Variants in MBD5 observed in about 807,000 individuals in gnomAD.
MBD5 encodes methyl-CpG-binding domain protein 5.
MBD5 carries 13 observed loss-of-function variants against 117.3 expected under a neutral mutation model. The observed-to-expected ratio is 0.11, with a 90% CI of 0.07 to 0.18. The LOEUF is 0.18. Ranked by LOEUF, MBD5 falls within the 10% of genes least tolerant of loss-of-function variation. The pLI is 1.00. For missense variants in MBD5, 1,879 were observed against 2,093.8 expected (o/e 0.90, Z 2.00); for synonymous variants, 727 against 766.4 (o/e 0.95, Z 0.85).
At chr2:148,369,016 C>A (rs954670740) in intron 4 of MBD5, among the ~76,000 whole-genome samples, 1 of 152,080 alleles carries the variant, frequency 6.6e-6, no homozygotes, top group Non-Finnish European at 1.5e-5. Flanking sequence ...TCCTGTGTCT[C>A]CTGATATGAT....
At chr2:148,152,389 G>A (rs1001888146) in intron 1 of MBD5, among the ~76,000 whole-genome samples, 2 of 152,150 alleles carry the variant, frequency 1.3e-5, no homozygotes, top group Non-Finnish European at 2.9e-5. Flanking sequence ...TAGGTGTGGT[G>A]CGGTGCTGAA....
chr2:148,337,624 A>AT (rs1050949973), intron 3 of MBD5, among the ~76,000 whole-genome samples: 76 of 152,126 alleles, frequency 5.0e-4, no homozygotes, highest in African/African-American at 1.7e-3. Context: ...ACTGAGAGAG[A>AT]TTTTTTACTC....
At chr2:148,226,998 A>G (rs1385642769) in intron 2 of MBD5, among the ~76,000 whole-genome samples, 1 of 152,158 alleles carries the variant, frequency 6.6e-6, no homozygotes, top group African/African-American at 2.4e-5. Flanking sequence ...AGTTAATTGT[A>G]GATTCTGGAT....
intron 1 of MBD5, among the ~76,000 whole-genome samples, chr2:148,072,963 C>CA (rs1172754673): frequency 6.6e-6 from 1 of 151,954 alleles, no homozygotes; most frequent in Non-Finnish European, 1.5e-5. Flanking sequence ...AGCTTTTTAA[C>CA]AAAAAATGAT....
At chr2:148,462,742 T>C (rs572145664) in intron 6 of MBD5, 58 bp downstream of exon 6, 24 of 1,158,840 alleles carry the variant, frequency 2.1e-5, no homozygotes, top group South Asian at 1.6e-4. Flanking sequence ...TTTTGTATAT[T>C]TGTTTTTCTC....
In MBD5 at chr2:148,021,508, C is replaced by A; in HGVS notation, c.-1101C>A. On this transcript the variant is annotated 5_prime_UTR_variant, in exon 1 of 14. It adds an upstream start codon to the 5' untranslated region. Coordinates refer to ENST00000642680, the MANE Select transcript of MBD5 (RefSeq NM_001378120.1). ...GCTGCTGCTGCTGCTACTGCTGCTG[C>A]TGCTACTGCTGCTGCTTGGCCCTGG... 1 of 577,104 alleles carries A rather than the reference C, an allele frequency of 1.7e-6. No homozygotes were observed. 35.7% of individuals were successfully genotyped at this position (577,104 alleles called of 1,614,324 possible).
At chr2:148,443,285 T>C (rs1236643876) in intron 4 of MBD5, among the ~76,000 whole-genome samples, 1 of 151,324 alleles carries the variant, frequency 6.6e-6, no homozygotes, top group South Asian at 2.1e-4. Flanking sequence ...CTTTGTACAC[T>C]GTTGTACACT....
chr2:148,044,906 C>G (rs958540013), intron 1 of MBD5: 6 of 152,062 alleles, frequency 3.9e-5, no homozygotes, highest in Non-Finnish European at 8.8e-5. Flanking sequence ...CCTGCTGCCT[C>G]TTATTTTCCT....
chr2:148,120,619 T>C (rs559160867), intron 1 of MBD5, among the ~76,000 whole-genome samples: 17 of 152,220 alleles, frequency 1.1e-4, no homozygotes, highest in Non-Finnish European at 2.5e-4. Context: ...GTTAACTTTG[T>C]ATATTGGTCT....
chr2:148,265,507 T>C (rs867130416), intron 3 of MBD5, among the ~76,000 whole-genome samples: 2 of 151,412 alleles, frequency 1.3e-5, no homozygotes, highest in African/African-American at 4.8e-5. Flanking sequence ...AGTTAGATTA[T>C]TTACAGTTTT....
chr2:148,266,159 T>C (rs532496603), intron 3 of MBD5, among the ~76,000 whole-genome samples: 2 of 152,250 alleles, frequency 1.3e-5, no homozygotes, highest in East Asian at 3.9e-4. Context: ...TATTGATAAA[T>C]CAAAGTGAGT....
intron 8 of MBD5, among the ~76,000 whole-genome samples, chr2:148,477,563 G>A (rs947631881): frequency 6.6e-6 from 1 of 151,362 alleles, no homozygotes; most frequent in African/African-American, 2.5e-5. Flanking sequence ...GAAAGATCTA[G>A]TATTCTCATA....
At chr2:148,415,500 A>G (rs569450138) in intron 4 of MBD5, among the ~76,000 whole-genome samples, 1 of 152,156 alleles carries the variant, frequency 6.6e-6, no homozygotes, top group Admixed American at 6.5e-5. Context: ...CTGAATTTGA[A>G]TGTTGGCCTC....
In MBD5 at chr2:148,201,125, A is replaced by T. The variant is rs543680304; in HGVS notation, c.-831+22332A>T. Among the ~76,000 whole-genome samples the T allele has an allele frequency of 3.8e-3, 576 of 152,288 alleles. 3 individuals carry two copies. Among genetic ancestry groups the T allele is most frequent in the African/African-American group, 0.013 (554 of 41,562 alleles). ...GCTTGCCACAGGAGATGCCCTGTTT[A>T]CTTGACACACCAGGCCATGCCTGGC... is the stretch of plus-strand genomic sequence containing the variant. On this transcript the variant is annotated intron_variant, in intron 2 of 13. Coordinates refer to ENST00000642680, the MANE Select transcript of MBD5 (RefSeq NM_001378120.1).
chr2:148,197,806 G>T (rs7558396), intron 2 of MBD5, among the ~76,000 whole-genome samples: 36,393 of 91,560 alleles, frequency 0.4, 6,062 homozygotes, highest in South Asian at 0.58. Flanking sequence ...TTTTTTTTTT[G>T]TTTTTTTTTT....
At chr2:148,449,997 T>C (rs1706679791) in intron 4 of MBD5, among the ~76,000 whole-genome samples, 1 of 152,080 alleles carries the variant, frequency 6.6e-6, no homozygotes, top group South Asian at 2.1e-4. Flanking sequence ...CCTATGTCTA[T>C]ATAAATAGTA....
At chr2:148,347,696 A>C (rs1703156079) in intron 4 of MBD5, 1 of 152,056 alleles carries the variant, frequency 6.6e-6, no homozygotes, top group South Asian at 2.1e-4. Flanking sequence ...GTTTAAATTT[A>C]TTTTAAAATA....
intron 2 of MBD5, among the ~76,000 whole-genome samples, chr2:148,204,662 A>G (rs761346923): frequency 6.6e-6 from 1 of 152,222 alleles, no homozygotes; most frequent in Non-Finnish European, 1.5e-5. Flanking sequence ...CCAGTGGAGT[A>G]ACAGCTACAG....
chr2:148,326,545 G>C (rs1289592743), intron 3 of MBD5, among the ~76,000 whole-genome samples: 1 of 152,158 alleles, frequency 6.6e-6, no homozygotes, highest in Non-Finnish European at 1.5e-5. Flanking sequence ...ATATATTTAG[G>C]ATAGTTAGCT....
Sources: gnomAD v4.1 joint callset for allele counts (sites outside exome capture counted in the v4.1 genomes callset) on GRCh38, gnomAD v4.1.1 for gene constraint, MANE v1.5 for transcripts, NCBI Gene and HGNC (gene_info 2026-07-23, HGNC 2026-07-21) for gene names.